Variants in MCC observed in about 807,000 individuals in gnomAD.
MCC encodes the protein MCC regulator of Wnt signaling pathway, also known as colorectal mutant cancer protein.
A neutral mutation model predicts 116.2 loss-of-function variants in MCC; 90 were observed. The observed-to-expected ratio is 0.77, with a 90% CI of 0.65 to 0.92. The LOEUF is 0.92. MCC is among the 40% of genes least tolerant of loss of function. The pLI, the probability that MCC is intolerant of heterozygous loss-of-function variation, is 0.00. For synonymous variants in MCC, 578 were observed against 510.5 expected (o/e 1.13, Z -1.78); for missense variants, 1,516 against 1,312.2 (o/e 1.16, Z -2.40).
chr5:113,261,066 C>T (rs897884968), intron 3 of MCC, among the ~76,000 whole-genome samples: 2 of 152,118 alleles, frequency 1.3e-5, no homozygotes, highest in Non-Finnish European at 2.9e-5. Flanking sequence ...TGTCGACTTA[C>T]GATGGGGTCA....
chr5:113,286,194 G>T (rs899585194), intron 3 of MCC, among the ~76,000 whole-genome samples: 1 of 152,208 alleles, frequency 6.6e-6, no homozygotes, highest in Non-Finnish European at 1.5e-5. Context: ...AACTAACCTG[G>T]AGACACCGGG....
chr5:113,069,654 C>T (rs1297269450), intron 12 of MCC, among the ~76,000 whole-genome samples: 2 of 152,182 alleles, frequency 1.3e-5, no homozygotes, highest in South Asian at 2.1e-4. Context: ...CTGCAAGCTC[C>T]GCCTCCCAGG....
intron 3 of MCC, among the ~76,000 whole-genome samples, chr5:113,332,241 T>C (rs891470558): frequency 1.3e-5 from 2 of 151,452 alleles, no homozygotes; most frequent in African/African-American, 4.9e-5. Context: ...GGTGCAGGCA[T>C]GATCATAGCG....
intron 3 of MCC, among the ~76,000 whole-genome samples, chr5:113,154,687 G>T (rs1206989801): frequency 6.6e-6 from 1 of 152,172 alleles, no homozygotes; most frequent in Non-Finnish European, 1.5e-5. Flanking sequence ...CTACATGAAG[G>T]AATTTGTGTA....
intron 2 of MCC, among the ~76,000 whole-genome samples, chr5:113,376,254 T>C (rs1367384646): frequency 6.6e-6 from 1 of 152,198 alleles, no homozygotes; most frequent in African/African-American, 2.4e-5. Flanking sequence ...AAAATAGTTG[T>C]TGTCCATGGG....
At chr5:113,152,022 C>G (rs1759906281) in intron 3 of MCC, among the ~76,000 whole-genome samples, 1 of 152,156 alleles carries the variant, frequency 6.6e-6, no homozygotes, top group African/African-American at 2.4e-5. Flanking sequence ...AAAGGCTGTA[C>G]TGGCCAGACA....
rs191398490 is a variant in MCC, at chr5:113,469,705, G to C, written c.170+18540C>G. ...CTGTAGATGTCTATTAGGTCACTTG[G>C]TGCAGAGCTGAGTTCAATTCCTGGG... On this transcript the variant is annotated intron_variant, in intron 1 of 18. Transcript: ENST00000408903. 1.2e-3 allele frequency among the ~76,000 whole-genome samples: 187 copies of C among 152,264 alleles called. 1 individual carries two copies. The highest frequency in any genetic ancestry group is 4.3e-3 in the African/African-American group (178 of 41,538).
rs148853591 is a variant in MCC, at chr5:113,458,396, C to T, written c.170+29849G>A. On this transcript the variant is annotated intron_variant, in intron 1 of 18. Transcript: ENST00000408903. ...CTTCACTCCTGAGCCAGCGGGACCA[C>T]GAACCCACCAGAAGGAAGAAACTCC... Among the ~76,000 whole-genome samples, 574 of 151,662 alleles carry T rather than the reference C, an allele frequency of 3.8e-3. 3 individuals are homozygous for T. Among genetic ancestry groups the T allele is most frequent in the African/African-American group, 0.013 (528 of 41,234 alleles).
chr5:113,272,453 T>TA (rs1319910345), intron 3 of MCC, among the ~76,000 whole-genome samples: 1 of 152,160 alleles, frequency 6.6e-6, no homozygotes, highest in Admixed American at 6.5e-5. Context: ...CAGATCTAAA[T>TA]AAAAAAATAA....
At chr5:113,267,202 T>C (rs933770529) in intron 3 of MCC, among the ~76,000 whole-genome samples, 5 of 152,124 alleles carry the variant, frequency 3.3e-5, no homozygotes, top group Non-Finnish European at 7.4e-5. Context: ...GCTCCCTTTC[T>C]TTAAAGGCTG....
chr5:113,305,009 C>CAA (rs61371264), intron 3 of MCC, among the ~76,000 whole-genome samples: 4,745 of 137,300 alleles, frequency 0.035, 100 homozygotes, highest in East Asian at 0.073. Flanking sequence ...CCAAAAGGGG[C>CAA]AAAAAAAAAA....
chr5:113,203,087 G>A (rs1762754671), intron 3 of MCC: 1 of 152,226 alleles, frequency 6.6e-6, no homozygotes. Context: ...CCAATACTCA[G>A]GACCAGGGGC....
chr5:113,195,269 G>A (rs189354072), intron 3 of MCC, among the ~76,000 whole-genome samples: 28 of 152,286 alleles, frequency 1.8e-4, no homozygotes, highest in Non-Finnish European at 3.2e-4. Flanking sequence ...GTTCCTTAAT[G>A]GCACCCAGCA....
Position 113,084,305 on chromosome 5 carries a change from A to G in MCC, c.1546-115T>C, listed in dbSNP as rs1008648781. On this transcript the variant is annotated intron_variant, in intron 9 of 18. Coordinates refer to ENST00000408903, the MANE Select transcript of MCC (RefSeq NM_001085377.2). ...GCCATGTCAACTAAATGATTAAAGA[A>G]CTTAAGAACAGCTCACGTCCAATTT... is the stretch of plus-strand genomic sequence containing the variant. 7 of 780,732 alleles carry G rather than the reference A, an allele frequency of 9.0e-6. No homozygotes were observed. In the African/African-American group the frequency reaches 1.2e-4, roughly 13 times the overall value. The allele number at this position is 780,732 out of a possible 1,614,324, so 48.4% of individuals were successfully genotyped here.
intron 1 of MCC, among the ~76,000 whole-genome samples, chr5:113,484,935 C>T (rs1249116893): frequency 3.3e-5 from 5 of 152,144 alleles, no homozygotes; most frequent in Admixed American, 6.5e-5. Context: ...AAAGAGCTTA[C>T]GGTGGTCTCA....
rs1468593996 is a variant in MCC, at chr5:113,469,218, A to C, written c.170+19027T>G. On this transcript the variant is annotated intron_variant, in intron 1 of 18. Coordinates refer to ENST00000408903, the MANE Select transcript of MCC (RefSeq NM_001085377.2). ...TCTGATCTTAGTTATTTCTTGCCTT[A>C]TGCTAGCTTTTGAATGTGTTTGCTC... 5.9e-5 allele frequency among the ~76,000 whole-genome samples: 9 copies of C among 151,998 alleles called. No individual in the cohort carries two copies. In the South Asian group the frequency reaches 8.3e-4, roughly 14 times the overall value.
chr5:113,038,484 C>T (rs373520153), intron 17 of MCC, among the ~76,000 whole-genome samples: 4 of 151,966 alleles, frequency 2.6e-5, no homozygotes, highest in South Asian at 2.1e-4. Flanking sequence ...AAATTCATGG[C>T]GCTAGGAACC....
intron 17 of MCC, among the ~76,000 whole-genome samples, chr5:113,030,988 G>A (rs553718234): frequency 4.6e-5 from 7 of 152,308 alleles, no homozygotes; most frequent in Non-Finnish European, 8.8e-5. Context: ...GTGACGTCGG[G>A]GTAGAAGGCT....
intron 3 of MCC, among the ~76,000 whole-genome samples, chr5:113,273,080 T>C (rs1470818324): frequency 6.6e-6 from 1 of 152,246 alleles, no homozygotes; most frequent in Non-Finnish European, 1.5e-5. Context: ...AGAGAACTAT[T>C]AGTTCAATAA....
Sources: allele counts gnomAD v4.1 joint callset (sites outside exome capture counted in the v4.1 genomes callset), GRCh38; gene constraint gnomAD v4.1.1; transcripts MANE v1.5; gene names NCBI Gene and HGNC (gene_info 2026-07-23, HGNC 2026-07-21).